Variants in TMEM225B observed in about 807,000 individuals in gnomAD.
TMEM225B encodes transmembrane protein 225B.
Under a neutral mutation model 16.9 loss-of-function variants are expected in TMEM225B, and 10 were observed. That is an observed-to-expected ratio of 0.59 (90% CI 0.36 to 1.00). The LOEUF (loss-of-function observed/expected upper bound fraction) is 1.00. TMEM225B is among the 50% of genes least tolerant of loss of function. The pLI, the probability that TMEM225B is intolerant of heterozygous loss-of-function variation, is 0.01. For missense variants in TMEM225B, 217 were observed against 267.0 expected, an observed-to-expected ratio of 0.81 and a Z score of 1.30; for synonymous variants, 92 against 109.8, an observed-to-expected ratio of 0.84 and a Z score of 1.01.
rs1390181744 is a variant in TMEM225B, at chr7:99,607,732, A to C, written c.415A>C (p.Lys139Gln). 1 of 1,536,064 alleles carries C rather than the reference A, an allele frequency of 6.5e-7. No homozygotes were observed. The highest frequency in any genetic ancestry group is 8.7e-7 in the Non-Finnish European group (1 of 1,146,876). Reference sequence around the variant, plus strand: ...CCTGGAGATCAAGGCTCTGAGGATGAAGCTCGGCCCCCTGCAGTTCTCCGT... The same window carrying C: ...CCTGGAGATCAAGGCTCTGAGGATGCAGCTCGGCCCCCTGCAGTTCTCCGT... ...HALEIKALRM[K>Q]LGPLQFSVLW... The change falls in exon 5 of 6, where the codon AAG (lysine) becomes CAG (glutamine). Residue 139 changes from lysine (K) to glutamine (Q), a missense_variant. By Grantham distance (53) the Lys-to-Gln change is moderately conservative. Transcript: ENST00000431679.
intron 2 of TMEM225B, 38 bp from the exon 3 acceptor site, chr7:99,604,348 C>T (rs193114331): frequency 7.6e-5 from 110 of 1,442,480 alleles, no homozygotes; most frequent in Non-Finnish European, 9.5e-5. Flanking sequence ...GAATTTGGGT[C>T]GGTGTCCCAC....
rs766511416 is a variant in TMEM225B, at chr7:99,610,567, C to CTTTACT, written c.*2_*3insTTTACT. ...GTGACAGCAGAAACAGTCATCTAGC[C>CTTTACT]CAGGACATGGCTTCTTTACCCTTCT... On this transcript the variant is annotated 3_prime_UTR_variant, in exon 6 of 6. Transcript: ENST00000431679. The CTTTACT allele has an allele frequency of 2.2e-5, 34 of 1,535,910 alleles. No individual in the cohort carries two copies. The South Asian group carries it at 4.0e-4, about 18-fold the overall frequency.
In TMEM225B at chr7:99,610,472, C is replaced by G. The variant is rs781746104; in HGVS notation, c.573C>G (p.His191Gln). ...LSTSQSMEED[H>Q]GSLYLDNLES... ...CTTCCCAGAGTATGGAGGAGGACCA[C>G]GGGAGCCTGTACCTGGACAATCTGG... Residue 191 changes from histidine to glutamine, a missense_variant, in exon 6 of 6, where the codon CAC (histidine) becomes CAG (glutamine). Physicochemically the swap from His to Gln is conservative, Grantham distance 24. Coordinates refer to ENST00000431679, the MANE Select transcript of TMEM225B (RefSeq NM_001195541.3). 6.5e-7 allele frequency: 1 copy of G among 1,535,952 alleles called. No homozygotes were observed. The highest frequency in any genetic ancestry group is 2.0e-5 in the Admixed American group (1 of 50,980).
At chr7:99,602,739 G>T (rs1002360903) in intron 2 of TMEM225B, among the ~76,000 whole-genome samples, 1 of 152,132 alleles carries the variant, frequency 6.6e-6, no homozygotes, top group African/African-American at 2.4e-5. Context: ...CAGAGACAAG[G>T]TCTTGCTTTG....
Position 99,608,858 on chromosome 7 carries a change from T to TATATATATAC in TMEM225B, c.493+1049_493+1050insTATATATACA, listed in dbSNP as rs536627768. ...GTGCACGTATATATATATATATATA[T>TATATATATAC]ACACACACACATATATGTGTATATA... On this transcript the variant is annotated intron_variant, in intron 5 of 5. Coordinates refer to ENST00000431679, the MANE Select transcript of TMEM225B (RefSeq NM_001195541.3). Among the ~76,000 whole-genome samples, 733 of 144,424 alleles carry TATATATATAC rather than the reference T, an allele frequency of 5.1e-3. 17 individuals carry two copies. The highest frequency in any genetic ancestry group is 0.02 in the African/African-American group (709 of 35,650). 94.7% of individuals were successfully genotyped at this position (144,424 alleles called of 152,430 possible). A position where few individuals can be genotyped will look rare whatever the true frequency, so the allele number is the denominator to read the frequency against.
intron 2 of TMEM225B, among the ~76,000 whole-genome samples, chr7:99,602,811 C>T (rs1805476479): frequency 6.6e-6 from 1 of 152,118 alleles, no homozygotes; most frequent in Non-Finnish European, 1.5e-5. Flanking sequence ...CTCCTGGGCT[C>T]AAGAGTTCCT....
Position 99,604,482 on chromosome 7 carries a change from T to C in TMEM225B, c.94T>C (p.Ser32Pro), listed in dbSNP as rs1562953050. 6.5e-7 allele frequency: 1 copy of C among 1,536,078 alleles called. No homozygotes were observed. Among genetic ancestry groups the C allele is most frequent in the Admixed American group, 2.0e-5 (1 of 51,002 alleles). ...SLGYLIILVV[S>P]IFPFWVRLTN... ...AGGCTACCTGATTATACTGGTGGTC[T>C]CCATCTTTCCCTTCTGGGTGCGACT... The change falls in exon 3 of 6, where the codon TCC becomes CCC. Residue 32 changes from serine to proline, a missense_variant. Ser to Pro is a moderately conservative substitution (Grantham distance 74, BLOSUM62 -1). Coordinates refer to ENST00000431679, the MANE Select transcript of TMEM225B (RefSeq NM_001195541.3).
intron 5 of TMEM225B, 139 bp downstream of exon 5, chr7:99,607,949 C>A: frequency 1.1e-6 from 1 of 945,080 alleles, no homozygotes; most frequent in African/African-American, 1.7e-5. Flanking sequence ...GGCTATTTAA[C>A]TTTCGTTAAT....
At chr7:99,610,218 A>C (rs1170577000) in intron 5 of TMEM225B, among the ~76,000 whole-genome samples, 175 bp from the exon 6 acceptor site, 1 of 151,754 alleles carries the variant, frequency 6.6e-6, no homozygotes, top group Admixed American at 6.6e-5. Context: ...GTGATTTTAT[A>C]CATGTATTTG....
At chr7:99,603,874 C>T (rs995543094) in intron 2 of TMEM225B, among the ~76,000 whole-genome samples, 2 of 151,810 alleles carry the variant, frequency 1.3e-5, no homozygotes, top group South Asian at 2.1e-4. Context: ...GCGATCCTCT[C>T]ACCTCAGGCT....
At position 99,607,788 on chromosome 7, in the gene TMEM225B, C is replaced by T; in HGVS notation, c.471C>T (p.Gly157=). 6.5e-7 allele frequency: 1 copy of T among 1,536,080 alleles called. No individual in the cohort carries two copies. Among genetic ancestry groups the T allele is most frequent in the Non-Finnish European group, 8.7e-7 (1 of 1,146,876 alleles). The part of the protein sequence containing the change: ...VLWPYYVLGF[G]IFLFIVAGTI... Reference sequence around the variant, plus strand: ...GGCCTTACTACGTGCTGGGCTTCGGCATCTTTCTGTTCATAGTGGCTGGTG... The same window carrying T: ...GGCCTTACTACGTGCTGGGCTTCGGTATCTTTCTGTTCATAGTGGCTGGTG... The change falls in exon 5 of 6, where the codon GGC becomes GGT. Residue 157 remains glycine (G), a synonymous_variant. Coordinates refer to ENST00000431679, the MANE Select transcript of TMEM225B (RefSeq NM_001195541.3).
intron 1 of TMEM225B, among the ~76,000 whole-genome samples, chr7:99,598,665 C>G (rs991735143): frequency 6.6e-6 from 1 of 152,212 alleles, no homozygotes; most frequent in Admixed American, 6.5e-5. Context: ...TGACCCTACC[C>G]TGGGTCAATG....
At chr7:99,609,041 C>G (rs1454595780) in intron 5 of TMEM225B, among the ~76,000 whole-genome samples, 1 of 151,692 alleles carries the variant, frequency 6.6e-6, no homozygotes, top group Non-Finnish European at 1.5e-5. Context: ...GTGGTGCGTG[C>G]CTGTAATCCC....
intron 5 of TMEM225B, 139 bp from the exon 6 acceptor site, chr7:99,610,254 G>A (rs1806234435): frequency 3.3e-6 from 2 of 603,774 alleles, no homozygotes; most frequent in East Asian, 2.8e-5. Flanking sequence ...GACGCATCCT[G>A]TCTGTAATCT....
chr7:99,608,271 G>C (rs1805988832), intron 5 of TMEM225B, among the ~76,000 whole-genome samples: 1 of 151,968 alleles, frequency 6.6e-6, no homozygotes, highest in African/African-American at 2.4e-5. Context: ...AAAATAAAAA[G>C]TTATGAATTC....
intron 4 of TMEM225B, 66 bp from the exon 5 acceptor site, chr7:99,607,607 G>T (rs772878726): frequency 3.0e-4 from 437 of 1,466,950 alleles, no homozygotes; most frequent in Non-Finnish European, 3.6e-4. Flanking sequence ...GCCACAGGGG[G>T]TGAAGTTTGG....
intron 3 of TMEM225B, 39 bp from the exon 4 acceptor site, chr7:99,606,709 G>C: frequency 6.5e-7 from 1 of 1,532,310 alleles, no homozygotes; most frequent in Non-Finnish European, 8.7e-7. Context: ...TTCCGGGTCA[G>C]GGTTCCCAGC....
rs765789996 is a variant in TMEM225B, at chr7:99,601,486, A to G, written c.-4+1201A>G. ...CACGCACCTGTAGTCCCAGCTACTCAGGAGGCTGAGGTGGGAGGATCACTT... is the reference window on the plus strand; with the variant it reads ...CACGCACCTGTAGTCCCAGCTACTCGGGAGGCTGAGGTGGGAGGATCACTT... On this transcript the variant is annotated intron_variant, in intron 2 of 5. Coordinates refer to ENST00000431679, the MANE Select transcript of TMEM225B (RefSeq NM_001195541.3). Among the ~76,000 whole-genome samples the G allele has an allele frequency of 7.0e-4, 106 of 152,276 alleles. No homozygotes were observed. The Middle Eastern group carries it at 0.014, about 20-fold the overall frequency.
intron 5 of TMEM225B, among the ~76,000 whole-genome samples, chr7:99,608,858 TACACAC>T (rs1554405762): frequency 6.2e-5 from 9 of 144,328 alleles, no homozygotes; most frequent in East Asian, 1.9e-4. Flanking sequence ...TATATATATA[TACACAC>T]ACACATATAT....
Sources: allele counts gnomAD v4.1 joint callset (sites outside exome capture counted in the v4.1 genomes callset), GRCh38; gene constraint gnomAD v4.1.1; transcripts MANE v1.5; gene names NCBI Gene and HGNC (gene_info 2026-07-23, HGNC 2026-07-21).